Variants in TMEM17 observed in about 807,000 individuals in gnomAD.
The protein encoded by TMEM17 is transmembrane protein 17.
A neutral mutation model predicts 19.1 loss-of-function variants in TMEM17; 15 were observed. That is an observed-to-expected ratio of 0.78 (90% confidence interval 0.52 to 1.21). The LOEUF (loss-of-function observed/expected upper bound fraction) is 1.21. TMEM17 is among the 50% of genes most tolerant of loss of function. The pLI, the probability that TMEM17 is intolerant of heterozygous loss-of-function variation, is 0.00. For missense variants in TMEM17, 245 were observed against 242.3 expected (o/e 1.01, Z -0.07); for synonymous variants, 103 against 86.9 (o/e 1.19, Z -1.03).
At chr2:62,463,247 G>A in the TMEM17 span, 1 of 152,206 alleles carries the variant, frequency 6.6e-6, no homozygotes, top group Admixed American at 6.5e-5. Flanking sequence ...CACCGCAAGA[G>A]TAAAGGGCTT....
rs768457395 is a variant in TMEM17 at position 62,502,676 on chromosome 2, A to T, written c.204+15T>A. 9 of 1,569,914 alleles carry T rather than the reference A, an allele frequency of 5.7e-6. No homozygotes were observed. The African/African-American group carries it at 1.2e-4, about 22-fold the overall frequency. On this transcript the variant is annotated intron_variant, in intron 2 of 3. Transcript: ENST00000335390. The stretch of plus-strand genomic sequence containing the variant: ...ACAACGTCAGGGCAGCAAAAGTATT[A>T]AAGCTTAGATTTACCTTCATGTGAA...
At chr2:62,457,396 T>C in the TMEM17 span, among the ~76,000 whole-genome samples, 1 of 151,990 alleles carries the variant, frequency 6.6e-6, no homozygotes, top group Non-Finnish European at 1.5e-5. The surrounding 1 kb of genome is among the most constrained non-coding windows in gnomAD (Gnocchi z 4.2). Flanking sequence ...GAGGAAGGGC[T>C]GGGTGCGGCG....
At position 62,506,083 on chromosome 2, in the gene TMEM17, C is replaced by T. The variant is rs150884514; in HGVS notation, c.47G>A (p.Arg16Gln). 8.7e-6 allele frequency: 14 copies of T among 1,610,300 alleles called. No homozygotes were observed. The highest frequency in any genetic ancestry group is 1.0e-5 in the Non-Finnish European group (12 of 1,178,770). The change falls in exon 1 of 4, where the codon CGG becomes CAG. Residue 16 changes from arginine (R) to glutamine (Q), a missense_variant. By Grantham distance (43) the Arg-to-Gln change is conservative. Transcript: ENST00000335390. ...PVRQRLGNFS[R>Q]AVFSDSNRTG... ...CCGATTGGAATCACTGAACACGGCC[C>T]GGCTGAAGTTTCCCAGCCGCTGGCG...
chr2:62,471,814 T>A, the TMEM17 span, among the ~76,000 whole-genome samples: 1 of 152,232 alleles, frequency 6.6e-6, no homozygotes, highest in Non-Finnish European at 1.5e-5. Flanking sequence ...GCCTTGCTGT[T>A]TGTTGACAAC....
chr2:62,475,942 A>G, the TMEM17 span, among the ~76,000 whole-genome samples: 1 of 152,168 alleles, frequency 6.6e-6, no homozygotes, highest in Non-Finnish European at 1.5e-5. Flanking sequence ...ATGTGCAGGA[A>G]AATGTCAAGC....
At chr2:62,480,681 T>A in the TMEM17 span, among the ~76,000 whole-genome samples, 103 of 126,424 alleles carry the variant, frequency 8.1e-4, no homozygotes, top group African/African-American at 2.8e-3. Flanking sequence ...CCCCAGTAAG[T>A]GTTCTTGGCC....
chr2:62,457,942 C>A, the TMEM17 span, among the ~76,000 whole-genome samples: 4 of 152,134 alleles, frequency 2.6e-5, no homozygotes, highest in Non-Finnish European at 1.5e-5. This position sits in a 1 kb window ranked among gnomAD's most constrained non-coding sequence, Gnocchi z 4.2. Flanking sequence ...TCAGAGAAAT[C>A]AGAGATTAGA....
At chr2:62,485,938 G>T in the TMEM17 span, among the ~76,000 whole-genome samples, 1 of 152,184 alleles carries the variant, frequency 6.6e-6, no homozygotes, top group African/African-American at 2.4e-5. Context: ...ACCTTACAAA[G>T]TGAATGTTTA....
the TMEM17 span, among the ~76,000 whole-genome samples, chr2:62,490,046 C>T: frequency 6.6e-6 from 1 of 152,030 alleles, no homozygotes; most frequent in Non-Finnish European, 1.5e-5. Context: ...TGTGGTAGTA[C>T]TTGCCTGTAA....
At chr2:62,464,456 C>T in the TMEM17 span, among the ~76,000 whole-genome samples, 24 of 152,228 alleles carry the variant, frequency 1.6e-4, no homozygotes, top group African/African-American at 5.8e-4. Context: ...ACCCCTGTCA[C>T]GAGTCCCACA....
At chr2:62,503,039 T>A (rs1382650698) in intron 1 of TMEM17, among the ~76,000 whole-genome samples, 1 of 152,244 alleles carries the variant, frequency 6.6e-6, no homozygotes, top group Non-Finnish European at 1.5e-5. Context: ...TACAGTCTTC[T>A]GACTTTTTGG....
the TMEM17 span, among the ~76,000 whole-genome samples, chr2:62,471,888 A>T: frequency 2.0e-5 from 3 of 152,230 alleles, no homozygotes; most frequent in African/African-American, 7.2e-5. Context: ...ATAGTCGTCT[A>T]TGGTGTTTCA....
At chr2:62,484,942 A>AT in the TMEM17 span, among the ~76,000 whole-genome samples, 4 of 152,030 alleles carry the variant, frequency 2.6e-5, no homozygotes, top group Non-Finnish European at 5.9e-5. Context: ...CTAATTCATA[A>AT]TTTTTTTGTT....
intron 3 of TMEM17, chr2:62,501,945 C>G (rs973978042): frequency 2.4e-5 from 4 of 164,536 alleles, no homozygotes; most frequent in African/African-American, 9.6e-5. Flanking sequence ...TGGGTGGGGC[C>G]TTATTATGAA....
the TMEM17 span, among the ~76,000 whole-genome samples, chr2:62,477,431 C>G: frequency 1.3e-5 from 2 of 152,154 alleles, no homozygotes; most frequent in African/African-American, 4.8e-5. Flanking sequence ...GGTTGTCTAT[C>G]TGATGGTCAA....
At chr2:62,491,124 A>G in the TMEM17 span, 8 of 149,046 alleles carry the variant, frequency 5.4e-5, no homozygotes, top group Admixed American at 1.3e-4. Context: ...GTGCAGGAAC[A>G]GTATCTTACT....
At chr2:62,489,784 A>T in the TMEM17 span, among the ~76,000 whole-genome samples, 3 of 152,218 alleles carry the variant, frequency 2.0e-5, no homozygotes, top group African/African-American at 7.2e-5. Flanking sequence ...CTGTTAAAAA[A>T]ATTTTTAAAA....
the TMEM17 span, among the ~76,000 whole-genome samples, chr2:62,480,916 A>G: frequency 1.4e-5 from 2 of 142,248 alleles, no homozygotes; most frequent in Non-Finnish European, 3.1e-5. Context: ...GTGGCTCCAT[A>G]CAAATTGTAA....
the TMEM17 span, among the ~76,000 whole-genome samples, chr2:62,469,758 C>T: frequency 1.1e-4 from 17 of 152,198 alleles, no homozygotes; most frequent in African/African-American, 4.1e-4. Context: ...GCAAGGAGGC[C>T]CAGGTGGCTT....
Sources: allele counts gnomAD v4.1 joint callset (sites outside exome capture counted in the v4.1 genomes callset), GRCh38; gene constraint gnomAD v4.1.1; non-coding constraint Gnocchi (gnomAD v3.1); transcripts MANE v1.5; gene names NCBI Gene and HGNC (gene_info 2026-07-23, HGNC 2026-07-21).